The following EYS variants were observed in gnomAD, a reference collection of about 807,000 sequenced individuals.
EYS encodes the protein EGF-like photoreceptor maintenance factor.
A neutral mutation model predicts 282.1 loss-of-function variants in EYS; 250 were observed. The ratio of observed to expected loss-of-function variants is 0.89; its 90% CI spans 0.80 to 0.98. The LOEUF is 0.98. Ranked by LOEUF, EYS falls within the 50% of genes least tolerant of loss-of-function variation. EYS has a pLI of 0.00. For synonymous variants in EYS, 1,355 were observed against 1,282.9 expected (o/e 1.06, Z -1.20); for missense variants, 4,016 against 3,709.0 (o/e 1.08, Z -2.15).
At chr6:65,466,491 A>C (rs1044406992) in intron 5 of EYS, among the ~76,000 whole-genome samples, 7 of 152,158 alleles carry the variant, frequency 4.6e-5, no homozygotes, top group African/African-American at 1.4e-4. Flanking sequence ...TATGAAATGG[A>C]AAAATTAAAT....
intron 15 of EYS, among the ~76,000 whole-genome samples, chr6:64,935,767 A>G (rs947858794): frequency 2.0e-5 from 3 of 151,768 alleles, no homozygotes. Flanking sequence ...AAAAAAGTAT[A>G]GCATATCAAT....
intron 12 of EYS, among the ~76,000 whole-genome samples, chr6:65,251,764 A>G (rs567976372): frequency 6.6e-6 from 1 of 152,174 alleles, no homozygotes; most frequent in South Asian, 2.1e-4. Flanking sequence ...AGATGGAGTT[A>G]GAGAGTGATG....
intron 32 of EYS, among the ~76,000 whole-genome samples, chr6:64,069,466 G>A (rs991137847): frequency 1.3e-5 from 2 of 151,706 alleles, no homozygotes; most frequent in South Asian, 4.2e-4. Context: ...ATACACATGT[G>A]ATATACATAT....
At position 64,824,032 on chromosome 6, in the gene EYS, A is replaced by G. The variant is rs1183852999; in HGVS notation, c.2993-1210T>C. On this transcript the variant is annotated intron_variant, in intron 19 of 42. Coordinates refer to ENST00000503581, the MANE Select transcript of EYS (RefSeq NM_001142800.2). Reference sequence around the variant, plus strand: ...ACACTCAATTTCAGAGGTTCATGACATAGTTTTATTTCCCACTCACTCTCC... The same window carrying G: ...ACACTCAATTTCAGAGGTTCATGACGTAGTTTTATTTCCCACTCACTCTCC... Among the ~76,000 whole-genome samples the G allele has an allele frequency of 3.9e-5, 6 of 152,054 alleles. No homozygotes were observed. The East Asian group carries it at 1.2e-3, about 29-fold the overall frequency.
chr6:65,331,656 G>A (rs1230102107), intron 11 of EYS: 1 of 980,320 alleles, frequency 1.0e-6, no homozygotes, highest in Non-Finnish European at 1.2e-6. Flanking sequence ...TCAGAAAAAA[G>A]GAAATAACAT....
At chr6:64,231,113 T>G (rs144542551) in intron 30 of EYS, among the ~76,000 whole-genome samples, 1 of 152,318 alleles carries the variant, frequency 6.6e-6, no homozygotes, top group Non-Finnish European at 1.5e-5. Flanking sequence ...CTCCTTTAGC[T>G]GTTACAAATC....
In EYS at chr6:64,066,465, A is replaced by G. The variant is rs1310200033; in HGVS notation, c.6598T>C (p.Phe2200Leu). 1 of 1,543,750 alleles carries G rather than the reference A, an allele frequency of 6.5e-7. No homozygotes were observed. Among genetic ancestry groups the G allele is most frequent in the African/African-American group, 1.4e-5 (1 of 72,854 alleles). Residue 2200 changes from phenylalanine (F) to leucine (L), a missense_variant, in exon 33 of 43, where the codon TTT (phenylalanine) becomes CTT (leucine). Transcript: ENST00000503581. Reference protein sequence around the residue: ...YSNGNNCGKQFLHLFLVEGRP... With the variant: ...YSNGNNCGKQLLHLFLVEGRP... ...CCTTCCACAAGAAATAAATGAAGAA[A>G]CTGCTTTCCACAATTATTCCCATTA...
chr6:64,389,875 C>T (rs935398158), intron 28 of EYS, among the ~76,000 whole-genome samples: 1 of 152,130 alleles, frequency 6.6e-6, no homozygotes. Flanking sequence ...GTTCATCTCA[C>T]TAGGGAGTGC....
At chr6:64,692,368 ACAT>A (rs1770419421) in intron 22 of EYS, among the ~76,000 whole-genome samples, 1 of 151,392 alleles carries the variant, frequency 6.6e-6, no homozygotes, top group Admixed American at 6.6e-5. Context: ...TCAATATAAG[ACAT>A]TTGTCAGATG....
chr6:63,969,481 C>T (rs2149782163), intron 35 of EYS, among the ~76,000 whole-genome samples: 1 of 152,254 alleles, frequency 6.6e-6, no homozygotes, highest in Non-Finnish European at 1.5e-5. Context: ...TAGTTTAAAA[C>T]TAACAAATAG....
intron 2 of EYS, among the ~76,000 whole-genome samples, chr6:65,587,866 A>C (rs1021456502): frequency 6.6e-6 from 1 of 152,108 alleles, no homozygotes; most frequent in Admixed American, 6.6e-5. Context: ...TTGTAGTTTC[A>C]TAAATTAAAA....
chr6:64,320,872 T>C (rs979434746), intron 29 of EYS, among the ~76,000 whole-genome samples: 2 of 151,944 alleles, frequency 1.3e-5, no homozygotes, highest in African/African-American at 2.4e-5. Flanking sequence ...AGAAAACCTA[T>C]ATGCTTTTTA....
At chr6:64,519,795 C>T (rs1335324908) in intron 26 of EYS, among the ~76,000 whole-genome samples, 2 of 151,778 alleles carry the variant, frequency 1.3e-5, no homozygotes, top group Non-Finnish European at 2.9e-5. Context: ...AGTGTTCCAT[C>T]CCCATAGCAA....
intron 14 of EYS, among the ~76,000 whole-genome samples, chr6:64,983,195 C>A (rs1033981740): frequency 2.6e-5 from 4 of 151,110 alleles, no homozygotes; most frequent in African/African-American, 7.3e-5. Context: ...TGAAAGAGGT[C>A]ATCTATGGGC....
chr6:64,848,604 G>A (rs1765786546), intron 19 of EYS, among the ~76,000 whole-genome samples: 1 of 152,048 alleles, frequency 6.6e-6, no homozygotes, highest in Non-Finnish European at 1.5e-5. Context: ...CAATGAGAAT[G>A]GGAGGGGCAG....
intron 30 of EYS, among the ~76,000 whole-genome samples, chr6:64,285,906 G>A (rs886156681): frequency 2.0e-5 from 3 of 152,154 alleles, no homozygotes; most frequent in African/African-American, 7.2e-5. Flanking sequence ...TCCACAACAT[G>A]TGGGAATTAT....
intron 26 of EYS, among the ~76,000 whole-genome samples, chr6:64,534,683 T>C (rs1284858506): frequency 6.6e-6 from 1 of 152,216 alleles, no homozygotes; most frequent in African/African-American, 2.4e-5. Context: ...AATACTAAAA[T>C]TTGGCTGTTC....
At chr6:64,352,772 G>A (rs981180914) in intron 29 of EYS, among the ~76,000 whole-genome samples, 4 of 151,428 alleles carry the variant, frequency 2.6e-5, no homozygotes, top group African/African-American at 7.3e-5. Context: ...GTAATTATTC[G>A]AAGAGTAATA....
At chr6:64,912,049 A>C (rs1055172961) in intron 16 of EYS, among the ~76,000 whole-genome samples, 2 of 152,160 alleles carry the variant, frequency 1.3e-5, no homozygotes, top group Non-Finnish European at 2.9e-5. Flanking sequence ...GTAACTAAAC[A>C]ATCTAAGTAG....
Sources: gnomAD v4.1 joint callset for allele counts (sites outside exome capture counted in the v4.1 genomes callset) on GRCh38, gnomAD v4.1.1 for gene constraint, MANE v1.5 for transcripts, NCBI Gene and HGNC (gene_info 2026-07-23, HGNC 2026-07-21) for gene names.